The following PARD3 variants were observed in gnomAD, a reference collection of about 807,000 sequenced individuals.
PARD3 encodes the protein partitioning defective 3 homolog.
A neutral mutation model predicts 155.4 loss-of-function variants in PARD3; 75 were observed. The ratio of observed to expected loss-of-function variants is 0.48; its 90% CI spans 0.40 to 0.58. The LOEUF (loss-of-function observed/expected upper bound fraction) is 0.58. Ranked by LOEUF, PARD3 falls within the 20% of genes least tolerant of loss-of-function variation. The probability of loss-of-function intolerance (pLI) is 0.00; values close to 1 mark genes in which losing one functional copy is unlikely to be tolerated. For synonymous variants in PARD3, 576 were observed against 610.5 expected (o/e 0.94, Z 0.83); for missense variants, 1,642 against 1,721.7 (o/e 0.95, Z 0.82).
intron 22 of PARD3, among the ~76,000 whole-genome samples, chr10:34,160,522 C>T (rs1204508161): frequency 1.3e-5 from 2 of 152,226 alleles, no homozygotes; most frequent in Admixed American, 6.5e-5. Flanking sequence ...GCAATTGAAA[C>T]ATTCTGAAAT....
At chr10:34,398,631 T>C (rs1458838601) in intron 7 of PARD3, among the ~76,000 whole-genome samples, 1 of 152,210 alleles carries the variant, frequency 6.6e-6, no homozygotes, top group Non-Finnish European at 1.5e-5. Flanking sequence ...GACAGAGGTC[T>C]GCCAAGCCTT....
chr10:34,240,440 T>A (rs982687668), intron 22 of PARD3, among the ~76,000 whole-genome samples: 3 of 152,330 alleles, frequency 2.0e-5, no homozygotes, highest in Admixed American at 6.5e-5. Context: ...CAAAAAAGTA[T>A]CACTTTCATA....
At chr10:34,232,544 C>T (rs1013925034) in intron 22 of PARD3, among the ~76,000 whole-genome samples, 1 of 152,062 alleles carries the variant, frequency 6.6e-6, no homozygotes, top group Non-Finnish European at 1.5e-5. Flanking sequence ...AAATGTTCCT[C>T]TTTTATAGAA....
chr10:34,430,321 C>A (rs2075837827), intron 5 of PARD3, among the ~76,000 whole-genome samples: 1 of 152,112 alleles, frequency 6.6e-6, no homozygotes, highest in Non-Finnish European at 1.5e-5. Flanking sequence ...AAAATCCTAA[C>A]CTAGAATATC....
rs551870148 is a variant in PARD3 at position 34,378,513 on chromosome 10, A to G, written c.1400-407T>C. Among the ~76,000 whole-genome samples the G allele has an allele frequency of 1.6e-4, 24 of 152,354 alleles. 1 individual carries two copies. The South Asian group carries it at 5.0e-3, about 32-fold the overall frequency. ...ATAATGACATCCAAATTTTAAGGGT[A>G]GGAGGTATGAGCAAGGGAAACAAAA... On this transcript the variant is annotated intron_variant, in intron 9 of 24. Coordinates refer to ENST00000374788, the MANE Select transcript of PARD3 (RefSeq NM_001184785.2).
intron 12 of PARD3, among the ~76,000 whole-genome samples, chr10:34,365,006 A>T (rs1417372407): frequency 6.6e-6 from 1 of 152,198 alleles, no homozygotes; most frequent in Non-Finnish European, 1.5e-5. Context: ...AAATAAAAAT[A>T]ATGATATTTA....
At chr10:34,377,760 C>T (rs528725880) in intron 10 of PARD3, among the ~76,000 whole-genome samples, 11 of 151,820 alleles carry the variant, frequency 7.2e-5, no homozygotes, top group African/African-American at 2.2e-4. Flanking sequence ...GACTCTGCCT[C>T]TACAAAAATT....
At chr10:34,366,746 AAAATTTTTCTT>A (rs139623798) in intron 12 of PARD3, among the ~76,000 whole-genome samples, 10,213 of 152,198 alleles carry the variant, frequency 0.067, 463 homozygotes, top group Non-Finnish European at 0.096. Flanking sequence ...TCATGGTTTT[AAAATTTTTCTT>A]AAATTTTTCT....
At chr10:34,311,259 A>T (rs1299422162) in intron 20 of PARD3, among the ~76,000 whole-genome samples, 1 of 151,510 alleles carries the variant, frequency 6.6e-6, no homozygotes, top group Non-Finnish European at 1.5e-5. Flanking sequence ...TCAGTTATTT[A>T]TTTTTTTTTA....
intron 22 of PARD3, among the ~76,000 whole-genome samples, chr10:34,255,276 T>A (rs1320515117): frequency 6.6e-6 from 1 of 152,136 alleles, no homozygotes; most frequent in Non-Finnish European, 1.5e-5. Flanking sequence ...ACGCTATAGT[T>A]TTATAGCACC....
At chr10:34,502,934 C>G (rs1331786323) in intron 3 of PARD3, among the ~76,000 whole-genome samples, 2 of 152,100 alleles carry the variant, frequency 1.3e-5, no homozygotes, top group Non-Finnish European at 2.9e-5. Context: ...GCTTTCCTCC[C>G]TCTCCTCATA....
chr10:34,562,062 G>A (rs544938957), intron 2 of PARD3, among the ~76,000 whole-genome samples: 2 of 148,756 alleles, frequency 1.3e-5, no homozygotes, highest in Non-Finnish European at 3.0e-5. Context: ...GAACCTGGGA[G>A]GGGGGGTGAA....
chr10:34,269,883 G>T lies in PARD3; in HGVS notation c.3193C>A (p.Arg1065=), dbSNP rs1262435673. 2 of 1,613,426 alleles carry T rather than the reference G, an allele frequency of 1.2e-6. No individual in the cohort carries two copies. Among genetic ancestry groups the T allele is most frequent in the Admixed American group, 3.3e-5 (2 of 59,948 alleles). ...CGAGCTTGTCGTTCCCTAAATTCTC[G>T]AGTTTTGGCTTGAATCCTATGAAAT... ...QEQERIQAKT[R]EFRERQARER... is the part of the protein sequence containing the mutation. Residue 1065 remains arginine (R), a synonymous_variant, in exon 22 of 25, where the codon CGA becomes AGA. Coordinates refer to ENST00000374788, the MANE Select transcript of PARD3 (RefSeq NM_001184785.2).
chr10:34,443,211 G>A (rs931805936), intron 5 of PARD3, among the ~76,000 whole-genome samples: 1 of 152,048 alleles, frequency 6.6e-6, no homozygotes, highest in African/African-American at 2.4e-5. Flanking sequence ...TTAAAAAACT[G>A]CCTCCATAAA....
At chr10:34,542,879 C>T (rs1337212881) in intron 2 of PARD3, among the ~76,000 whole-genome samples, 1 of 152,128 alleles carries the variant, frequency 6.6e-6, no homozygotes, top group African/African-American at 2.4e-5. Flanking sequence ...AATAAATTCA[C>T]TATTTTCCAG....
chr10:34,410,419 AT>A (rs1844933380), intron 5 of PARD3, among the ~76,000 whole-genome samples: 1 of 152,146 alleles, frequency 6.6e-6, no homozygotes, highest in Non-Finnish European at 1.5e-5. Flanking sequence ...TCAATATTCT[AT>A]CGGGTAAACA....
Position 34,194,491 on chromosome 10 carries a change from A to T in PARD3, c.3420-62908T>A, listed in dbSNP as rs182806932. Among the ~76,000 whole-genome samples, 23 of 152,272 alleles carry T rather than the reference A, an allele frequency of 1.5e-4. No individual in the cohort carries two copies. In the East Asian group the frequency reaches 4.3e-3, roughly 28 times the overall value. On this transcript the variant is annotated intron_variant, in intron 22 of 24. Coordinates refer to ENST00000374788, the MANE Select transcript of PARD3 (RefSeq NM_001184785.2). The stretch of plus-strand genomic sequence containing the variant: ...AAAAACAGATGCTGCACTTGAGATG[A>T]TCTCTCTAAAGTAAACAAATTAGGG...
At position 34,597,522 on chromosome 10, in the gene PARD3, G is replaced by A. The variant is rs115924549; in HGVS notation, c.223-80363C>T. On this transcript the variant is annotated intron_variant, in intron 2 of 24. Coordinates refer to ENST00000374788, the MANE Select transcript of PARD3 (RefSeq NM_001184785.2). ...CAGCTCGCTGCACCCTCCAACTCCT[G>A]GGCTCAAGTGATCCTCCCATCTCAG... Among the ~76,000 whole-genome samples the A allele has an allele frequency of 8.1e-3, 1,236 of 152,100 alleles. 17 individuals are homozygous for A. Among genetic ancestry groups the A allele is most frequent in the African/African-American group, 0.028 (1,176 of 41,494 alleles).
In PARD3 at chr10:34,448,980, G is replaced by A. The variant is rs10159776; in HGVS notation, c.714+1337C>T. Among the ~76,000 whole-genome samples, 1,145 of 148,084 alleles carry A rather than the reference G, an allele frequency of 7.7e-3. 9 individuals carry two copies. Among genetic ancestry groups the A allele is most frequent in the African/African-American group, 0.027 (1,084 of 39,500 alleles). On this transcript the variant is annotated intron_variant, in intron 5 of 24. Coordinates refer to ENST00000374788, the MANE Select transcript of PARD3 (RefSeq NM_001184785.2). Reference sequence around the variant, plus strand: ...GTCGCCCAGGCTAGAGTGCAGTGGCGTGATCTCGGCTCACTGCAAGCTCTG... The same window carrying A: ...GTCGCCCAGGCTAGAGTGCAGTGGCATGATCTCGGCTCACTGCAAGCTCTG...
Sources: gnomAD v4.1 joint callset for allele counts (sites outside exome capture counted in the v4.1 genomes callset) on GRCh38, gnomAD v4.1.1 for gene constraint, MANE v1.5 for transcripts, NCBI Gene and HGNC (gene_info 2026-07-23, HGNC 2026-07-21) for gene names.